CEP85L: variants seen among roughly 807,000 people sequenced by gnomAD.
CEP85L encodes centrosomal protein of 85 kDa-like.
CEP85L carries 60 observed loss-of-function variants against 100.3 expected under a neutral mutation model. That is an observed-to-expected ratio of 0.60 (90% confidence interval 0.49 to 0.74). The LOEUF (loss-of-function observed/expected upper bound fraction) is 0.74. Ranked by LOEUF, CEP85L falls within the 30% of genes least tolerant of loss-of-function variation. The pLI is 0.00. For synonymous variants in CEP85L, 319 were observed against 322.7 expected, an observed-to-expected ratio of 0.99 and a Z score of 0.12; for missense variants, 973 against 936.2, an observed-to-expected ratio of 1.04 and a Z score of -0.51.
chr6:118,567,444 T>C (rs994145854), intron 2 of CEP85L, among the ~76,000 whole-genome samples: 1 of 151,926 alleles, frequency 6.6e-6, no homozygotes, highest in Non-Finnish European at 1.5e-5. Context: ...TACAAATGAA[T>C]AGTTTTAGCA....
At chr6:118,664,775 G>A (rs17080456) in intron 1 of CEP85L, among the ~76,000 whole-genome samples, 1 of 151,780 alleles carries the variant, frequency 6.6e-6, no homozygotes, top group Non-Finnish European at 1.5e-5. Context: ...TAATCGCAGT[G>A]ACCACATCTT....
At chr6:118,485,284 T>C (rs927463429) in intron 6 of CEP85L, among the ~76,000 whole-genome samples, 3 of 152,220 alleles carry the variant, frequency 2.0e-5, no homozygotes, top group Non-Finnish European at 4.4e-5. Flanking sequence ...GGAAAATAAC[T>C]GGCAATAATT....
At chr6:118,511,165 A>C in intron 5 of CEP85L, 133 bp downstream of exon 5, 1 of 642,548 alleles carries the variant, frequency 1.6e-6, no homozygotes, top group Non-Finnish European at 2.7e-6. Context: ...ACTCTTTGCC[A>C]CACATATAAA....
chr6:118,523,252 A>G (rs1776768126), intron 4 of CEP85L, among the ~76,000 whole-genome samples: 1 of 152,252 alleles, frequency 6.6e-6, no homozygotes, highest in African/African-American at 2.4e-5. Context: ...CACAATACTC[A>G]GGAGACTGTC....
At chr6:118,485,794 A>G (rs1018062242) in intron 6 of CEP85L, among the ~76,000 whole-genome samples, 9 of 152,328 alleles carry the variant, frequency 5.9e-5, no homozygotes, top group African/African-American at 2.2e-4. Flanking sequence ...CTTGGTCCCC[A>G]TCAACCAAGC....
At chr6:118,702,995 C>CAAA (rs34426942) in intron 1 of CEP85L, among the ~76,000 whole-genome samples, 43 of 93,662 alleles carry the variant, frequency 4.6e-4, no homozygotes, top group Admixed American at 7.0e-4. Context: ...GACTCTGTCT[C>CAAA]AAAAAAAAAA....
At chr6:118,670,074 A>C (rs1206172553) in intron 1 of CEP85L, among the ~76,000 whole-genome samples, 1 of 151,878 alleles carries the variant, frequency 6.6e-6, no homozygotes, top group African/African-American at 2.4e-5. Context: ...CCTGCGATAG[A>C]ATTACAAAGC....
At chr6:118,652,527 C>CACTCAGA, upstream of CEP85L, 1 of 1,391,988 alleles carries the variant, frequency 7.2e-7, no homozygotes, top group Non-Finnish European at 9.3e-7. Flanking sequence ...AGAGGTAAGT[C>CACTCAGA]GGAACGCAGG....
intron 1 of CEP85L, among the ~76,000 whole-genome samples, chr6:118,681,454 A>G (rs1776655667): frequency 6.6e-6 from 1 of 152,230 alleles, no homozygotes; most frequent in Non-Finnish European, 1.5e-5. Flanking sequence ...CCTCATATTC[A>G]GACGATTTTT....
chr6:118,617,231 A>C (rs551219599), intron 2 of CEP85L, among the ~76,000 whole-genome samples: 85 of 152,160 alleles, frequency 5.6e-4, no homozygotes, highest in African/African-American at 2.0e-3. Context: ...ATATGCTTAA[A>C]ATATTCCTAA....
chr6:118,494,986 A>G (rs1347738394), intron 5 of CEP85L, among the ~76,000 whole-genome samples: 1 of 152,144 alleles, frequency 6.6e-6, no homozygotes, highest in Non-Finnish European at 1.5e-5. Flanking sequence ...AAAAGAATAA[A>G]AAAGAAATGC....
chr6:118,481,888 T>A lies in CEP85L; in HGVS notation c.1636A>T (p.Ile546Leu). The A allele has an allele frequency of 1.9e-6, 3 of 1,585,988 alleles. No individual in the cohort carries two copies. The highest frequency in any genetic ancestry group is 2.6e-6 in the Non-Finnish European group (3 of 1,164,980). The stretch of plus-strand genomic sequence containing the variant: ...TCTTCAAGTTTTTTTTCTGTATCTA[T>A]CAAAGCCTCTTGTAAATTCTTATTT... Reference protein sequence around the residue: ...EKNKNLQEALIDTEKKLEEIK... With the variant: ...EKNKNLQEALLDTEKKLEEIK... Residue 546 changes from isoleucine to leucine, a missense_variant, in exon 8 of 13, where the codon ATA becomes TTA. Ile to Leu is a conservative substitution (Grantham distance 5, BLOSUM62 2). This residue lies in a region of CEP85L where 890 missense variants were observed against 844.5 expected (regional missense o/e 1.05). Transcript: ENST00000368491.
chr6:118,568,716 G>A (rs1055398376), intron 2 of CEP85L, among the ~76,000 whole-genome samples: 3 of 152,044 alleles, frequency 2.0e-5, no homozygotes, highest in Non-Finnish European at 4.4e-5. Flanking sequence ...CAAAACAACT[G>A]GCAAACACAG....
intron 1 of CEP85L, among the ~76,000 whole-genome samples, chr6:118,702,995 C>CAAAAAAA (rs34426942): frequency 2.1e-5 from 2 of 93,694 alleles, no homozygotes; most frequent in African/African-American, 4.2e-5. Context: ...GACTCTGTCT[C>CAAAAAAA]AAAAAAAAAA....
chr6:118,637,846 G>A (rs1774608741), intron 1 of CEP85L, among the ~76,000 whole-genome samples: 1 of 151,668 alleles, frequency 6.6e-6, no homozygotes, highest in African/African-American at 2.4e-5. Context: ...ATACTAAATG[G>A]TTTAGTCTAA....
At chr6:118,546,324 C>A (rs1038014833) in intron 3 of CEP85L, among the ~76,000 whole-genome samples, 10 of 152,086 alleles carry the variant, frequency 6.6e-5, no homozygotes, top group African/African-American at 2.2e-4. Flanking sequence ...CCTATGTATA[C>A]TTTTTAAGTA....
At chr6:118,629,795 T>C (rs577691673) in intron 2 of CEP85L, among the ~76,000 whole-genome samples, 12 of 152,302 alleles carry the variant, frequency 7.9e-5, no homozygotes, top group African/African-American at 2.9e-4. Context: ...CCCAAAATTT[T>C]AAGTTAGCAG....
intron 8 of CEP85L, among the ~76,000 whole-genome samples, chr6:118,481,457 A>T (rs373659656): frequency 2.0e-5 from 3 of 152,256 alleles, no homozygotes; most frequent in Middle Eastern, 3.4e-3. Flanking sequence ...CAAAAACCTG[A>T]AATCTGAAAT....
At chr6:118,607,081 T>TC (rs901935199) in intron 2 of CEP85L, among the ~76,000 whole-genome samples, 2 of 152,130 alleles carry the variant, frequency 1.3e-5, no homozygotes, top group African/African-American at 4.8e-5. Context: ...ATTTTTTTTT[T>TC]CGTTCTGGCC....
Sources: gnomAD v4.1 joint callset for allele counts (sites outside exome capture counted in the v4.1 genomes callset) on GRCh38, gnomAD v4.1.1 for gene constraint, gnomAD v4.1.1 regional missense constraint, MANE v1.5 for transcripts, NCBI Gene and HGNC (gene_info 2026-07-23, HGNC 2026-07-21) for gene names.